The following FTO variants were observed in gnomAD, a reference collection of about 807,000 sequenced individuals.
FTO encodes FTO alpha-ketoglutarate dependent dioxygenase, also known as alpha-ketoglutarate-dependent dioxygenase FTO.
FTO carries 47 observed loss-of-function variants against 63.9 expected under a neutral mutation model. The observed-to-expected ratio is 0.74, with a 90% CI of 0.58 to 0.94. The LOEUF is 0.94. Among genes scored for constraint, FTO ranks in the 40% least tolerant of loss-of-function variants. The pLI, the probability that FTO is intolerant of heterozygous loss-of-function variation, is 0.00. For synonymous variants in FTO, 207 were observed against 224.4 expected (o/e 0.92, Z 0.69); for missense variants, 562 against 618.1 (o/e 0.91, Z 0.96).
intron 1 of FTO, among the ~76,000 whole-genome samples, chr16:53,756,269 C>G (rs1861869): frequency 0.46 from 69,206 of 151,998 alleles, 16,169 homozygotes; most frequent in Middle Eastern, 0.58. Context: ...TCTTCATGGC[C>G]TTCTGTAATA....
intron 7 of FTO, 87 bp downstream of exon 7, chr16:53,889,038 A>T: frequency 2.1e-6 from 3 of 1,401,046 alleles, no homozygotes; most frequent in Non-Finnish European, 3.0e-6. Context: ...GCAAATGTAG[A>T]TTTAATTATT....
At chr16:53,799,152 T>C (rs1365249447) in intron 1 of FTO, among the ~76,000 whole-genome samples, 2 of 152,220 alleles carry the variant, frequency 1.3e-5, no homozygotes, top group Non-Finnish European at 2.9e-5. Context: ...TTTTTACATT[T>C]ATATGCATGA....
chr16:53,940,584 C>T (rs1185163092), intron 8 of FTO, among the ~76,000 whole-genome samples: 2 of 152,184 alleles, frequency 1.3e-5, no homozygotes, highest in South Asian at 2.1e-4. Flanking sequence ...AATGGAAACT[C>T]GGTACCTTTA....
intron 1 of FTO, among the ~76,000 whole-genome samples, chr16:53,776,548 A>G (rs1185947476): frequency 6.6e-6 from 1 of 152,200 alleles, no homozygotes. Context: ...TATGGGTTAA[A>G]CCTATCAATA....
intron 2 of FTO, 146 bp downstream of exon 2, chr16:53,810,363 A>G (rs1276091194): frequency 3.0e-6 from 2 of 661,262 alleles, no homozygotes; most frequent in African/African-American, 1.8e-5. Flanking sequence ...CCTACAGAGC[A>G]TGTACATTTC....
chr16:53,843,380 G>T (rs2079528882), intron 3 of FTO, among the ~76,000 whole-genome samples: 2 of 152,134 alleles, frequency 1.3e-5, no homozygotes, highest in South Asian at 4.1e-4. Context: ...TTTTCAAACT[G>T]ATGTTTTCTG....
At chr16:53,782,025 G>C (rs898928075) in intron 1 of FTO, among the ~76,000 whole-genome samples, 1 of 152,028 alleles carries the variant, frequency 6.6e-6, no homozygotes. Flanking sequence ...TCCCCAGTTT[G>C]ACCCTTTTGA....
intron 1 of FTO, among the ~76,000 whole-genome samples, chr16:53,771,927 T>C (rs2151633269): frequency 6.6e-6 from 1 of 152,102 alleles, no homozygotes; most frequent in East Asian, 1.9e-4. Context: ...TGGAAATAGA[T>C]TAGTGATTGC....
At chr16:53,910,262 G>A (rs1220527736) in intron 7 of FTO, among the ~76,000 whole-genome samples, 2 of 152,130 alleles carry the variant, frequency 1.3e-5, no homozygotes, top group Admixed American at 6.5e-5. Flanking sequence ...GGGGGAGAAT[G>A]GGGCCAGCTG....
intron 1 of FTO, among the ~76,000 whole-genome samples, chr16:53,752,078 T>C (rs2076808871): frequency 6.6e-6 from 1 of 152,238 alleles, no homozygotes; most frequent in Non-Finnish European, 1.5e-5. Flanking sequence ...GTGGCATTAT[T>C]TGTAGTGGCA....
At chr16:53,987,627 TCC>T (rs1158259902) in intron 8 of FTO, among the ~76,000 whole-genome samples, 1 of 150,370 alleles carries the variant, frequency 6.7e-6, no homozygotes, top group East Asian at 2.0e-4. Context: ...CAGTATGGCT[TCC>T]CCCCATTCTA....
chr16:53,829,769 C>T (rs1279248228), intron 3 of FTO, among the ~76,000 whole-genome samples: 1 of 152,016 alleles, frequency 6.6e-6, no homozygotes, highest in African/African-American at 2.4e-5. Flanking sequence ...AATAGGTGGG[C>T]TCTCGTGATT....
intron 3 of FTO, among the ~76,000 whole-genome samples, chr16:53,835,546 A>C (rs2079265636): frequency 6.6e-6 from 1 of 152,060 alleles, no homozygotes; most frequent in African/African-American, 2.4e-5. Context: ...TTTATCTTAC[A>C]GTGTTCATTT....
chr16:54,032,316 G>A (rs1426565969), intron 8 of FTO, among the ~76,000 whole-genome samples: 1 of 152,188 alleles, frequency 6.6e-6, no homozygotes, highest in Non-Finnish European at 1.5e-5. Flanking sequence ...GAAGAGGAAC[G>A]AGCCAAGAGT....
chr16:53,741,529 A>G lies in FTO; in HGVS notation c.45+37300A>G, dbSNP rs573133887. Among the ~76,000 whole-genome samples, 59 of 152,352 alleles carry G rather than the reference A, an allele frequency of 3.9e-4. No homozygotes were observed. In the South Asian group the frequency reaches 0.012, roughly 30 times the overall value. ...AATAGTAGTAGTAGTAGTACTTACT[A>G]TATGAATTAAAATTGATTTTAATTG... On this transcript the variant is annotated intron_variant, in intron 1 of 8. Coordinates refer to ENST00000471389, the MANE Select transcript of FTO (RefSeq NM_001080432.3).
rs548552870 is a variant in FTO at position 53,891,635 on chromosome 16, TG to T, written c.1239+2687del. Among the ~76,000 whole-genome samples, 348 of 152,316 alleles carry T rather than the reference TG, an allele frequency of 2.3e-3. 2 individuals carry two copies. Among genetic ancestry groups the T allele is most frequent in the African/African-American group, 7.9e-3 (329 of 41,590 alleles). On this transcript the variant is annotated intron_variant, in intron 7 of 8. Coordinates refer to ENST00000471389, the MANE Select transcript of FTO (RefSeq NM_001080432.3). ...GTGATCGCGTTACTGCACTCTAGCC[TG>T]GGTGACAGAGTGAGACCTTGTCTCA...
chr16:54,008,743 CTT>C (rs2084267525), intron 8 of FTO, among the ~76,000 whole-genome samples: 1 of 151,126 alleles, frequency 6.6e-6, no homozygotes, highest in African/African-American at 2.4e-5. Flanking sequence ...AAAGCTCAGA[CTT>C]TATTTTCAAG....
chr16:54,015,551 TAAGAC>T (rs1294506764), intron 8 of FTO, among the ~76,000 whole-genome samples: 1 of 152,080 alleles, frequency 6.6e-6, no homozygotes, highest in Non-Finnish European at 1.5e-5. Flanking sequence ...CAAAAGGAAA[TAAGAC>T]GAGTCGTTTT....
intron 8 of FTO, among the ~76,000 whole-genome samples, chr16:54,041,657 G>T (rs1055776918): frequency 6.6e-6 from 1 of 152,144 alleles, no homozygotes; most frequent in Non-Finnish European, 1.5e-5. Flanking sequence ...GGGGGCAAAG[G>T]TGAGGCTTTC....
Sources: allele counts gnomAD v4.1 joint callset (sites outside exome capture counted in the v4.1 genomes callset), GRCh38; gene constraint gnomAD v4.1.1; transcripts MANE v1.5; gene names NCBI Gene and HGNC (gene_info 2026-07-23, HGNC 2026-07-21).